Variants in RANBP2 observed in about 807,000 individuals in gnomAD.
The protein encoded by RANBP2 is RAN binding protein 2.
In RANBP2, 57 loss-of-function variants were observed where a neutral mutation model predicts 303.6. That is an observed-to-expected ratio of 0.19 (90% CI 0.15 to 0.23). The LOEUF is 0.23. Ranked by LOEUF, RANBP2 falls within the 10% of genes least tolerant of loss-of-function variation. RANBP2 has a pLI of 1.00. For missense variants in RANBP2, 3,138 were observed against 3,780.8 expected (o/e 0.83, Z 4.46); for synonymous variants, 1,167 against 1,301.5 (o/e 0.90, Z 2.23).
chr2:109,595,545 G>T, the RANBP2 span, among the ~76,000 whole-genome samples: 1 of 152,154 alleles, frequency 6.6e-6, no homozygotes, highest in African/African-American at 2.4e-5. Context: ...GGTGGTTACA[G>T]AAATTTGGAG....
At chr2:109,704,911 A>G in the RANBP2 span, among the ~76,000 whole-genome samples, 1 of 152,140 alleles carries the variant, frequency 6.6e-6, no homozygotes, top group Non-Finnish European at 1.5e-5. Context: ...GAGAAACAGC[A>G]GCAATTCAGT....
chr2:108,803,333 A>C, the RANBP2 span, among the ~76,000 whole-genome samples: 1 of 151,974 alleles, frequency 6.6e-6, no homozygotes, highest in Non-Finnish European at 1.5e-5. Flanking sequence ...TTCTCCCCAC[A>C]CTCTGGCTCA....
Position 108,772,543 on chromosome 2 carries a change from G to A in RANBP2, c.8075G>A (p.Gly2692Asp), listed in dbSNP as rs111958052. 1,226 of 1,613,814 alleles carry A rather than the reference G, an allele frequency of 7.6e-4. No homozygotes were observed. The highest frequency in any genetic ancestry group is 9.7e-4 in the Non-Finnish European group (1,140 of 1,179,832). Residue 2692 changes from glycine to aspartate, a missense_variant, in exon 22 of 29, where the codon GGC becomes GAC. By Grantham distance (94) the Gly-to-Asp change is moderately conservative. This residue lies in a region of RANBP2 where 497 missense variants were observed against 465.8 expected (regional missense o/e 1.07). Coordinates refer to ENST00000283195, the MANE Select transcript of RANBP2 (RefSeq NM_006267.5). ...CTTAATGGAAAACTATATTTGGATGGCTCAGAAAAATGTAGACCCTTGGAA... is the reference window on the plus strand; with the variant it reads ...CTTAATGGAAAACTATATTTGGATGACTCAGAAAAATGTAGACCCTTGGAA... Reference protein sequence around the residue: ...KKLNGKLYLDGSEKCRPLEEN... With the variant: ...KKLNGKLYLDDSEKCRPLEEN...
the RANBP2 span, among the ~76,000 whole-genome samples, chr2:108,979,465 TCTCACACA>T: frequency 1.4e-5 from 2 of 138,214 alleles, no homozygotes; most frequent in Admixed American, 8.0e-5. Flanking sequence ...TCTCTCTCTC[TCTCACACA>T]CACACACACA....
chr2:109,614,510 G>A, the RANBP2 span: 1 of 1,258,204 alleles, frequency 7.9e-7, no homozygotes. Context: ...CGGCAGAGTG[G>A]GGCCCCGAGG....
At chr2:109,176,409 G>A in the RANBP2 span, among the ~76,000 whole-genome samples, 1 of 152,166 alleles carries the variant, frequency 6.6e-6, no homozygotes, top group Non-Finnish European at 1.5e-5. Flanking sequence ...GTTTTTAGGA[G>A]CCCAATAGTT....
At chr2:108,807,062 T>C in the RANBP2 span, among the ~76,000 whole-genome samples, 1 of 152,236 alleles carries the variant, frequency 6.6e-6, no homozygotes, top group African/African-American at 2.4e-5. Context: ...GAGGAAAATA[T>C]GTCTTTCATT....
Position 108,755,099 on chromosome 2 carries a change from A to G in RANBP2, c.2382+15A>G, listed in dbSNP as rs755436902. ...AAAGTTACAAGGTAAACAGGAAAGA[A>G]TGGAATCATTTCATTGTGAAATTGT... On this transcript the variant is annotated intron_variant, in intron 16 of 28. Coordinates refer to ENST00000283195, the MANE Select transcript of RANBP2 (RefSeq NM_006267.5). 4 of 1,611,980 alleles carry G rather than the reference A, an allele frequency of 2.5e-6. No individual in the cohort carries two copies. Among genetic ancestry groups the G allele is most frequent in the Non-Finnish European group, 3.4e-6 (4 of 1,179,842 alleles).
the RANBP2 span, among the ~76,000 whole-genome samples, chr2:109,609,746 A>G: frequency 6.6e-6 from 1 of 152,222 alleles, no homozygotes; most frequent in Non-Finnish European, 1.5e-5. Flanking sequence ...GGAATGAGAA[A>G]AAAAGTTCAG....
chr2:109,062,987 G>A, the RANBP2 span, among the ~76,000 whole-genome samples: 2 of 152,156 alleles, frequency 1.3e-5, no homozygotes, highest in Non-Finnish European at 2.9e-5. Flanking sequence ...AAGAGCCAGG[G>A]CCTACGGCCT....
At chr2:108,782,097 A>G in intron 26 of RANBP2, 31 bp from the exon 27 acceptor site, 1 of 1,604,412 alleles carries the variant, frequency 6.2e-7, no homozygotes, top group Non-Finnish European at 8.5e-7. Flanking sequence ...TATAAGCAGC[A>G]GCTTATAGAG....
chr2:108,904,084 A>G, the RANBP2 span, among the ~76,000 whole-genome samples: 1 of 152,214 alleles, frequency 6.6e-6, no homozygotes, highest in Non-Finnish European at 1.5e-5. Flanking sequence ...ACTAGTGTCT[A>G]GAATATATTT....
At chr2:109,464,959 G>A in the RANBP2 span, among the ~76,000 whole-genome samples, 2 of 152,186 alleles carry the variant, frequency 1.3e-5, no homozygotes, top group African/African-American at 2.4e-5. Flanking sequence ...AATCCTCTGT[G>A]CTCTGCCTGT....
chr2:109,370,199 CTCTG>C, the RANBP2 span, among the ~76,000 whole-genome samples: 36 of 144,812 alleles, frequency 2.5e-4, no homozygotes, highest in Admixed American at 4.7e-4. Context: ...TGGTCTCTGT[CTCTG>C]TCTCTGTCTC....
At chr2:108,739,263 T>C (rs2912853) in intron 6 of RANBP2, among the ~76,000 whole-genome samples, 2 of 151,888 alleles carry the variant, frequency 1.3e-5, no homozygotes, top group African/African-American at 4.8e-5. Context: ...ATTAGCCGGG[T>C]ATGTTGGCAC....
At chr2:109,267,600 G>A in the RANBP2 span, among the ~76,000 whole-genome samples, 3 of 152,160 alleles carry the variant, frequency 2.0e-5, no homozygotes, top group Admixed American at 1.3e-4. Flanking sequence ...GGCTGTGATG[G>A]GTGGACCAGG....
the RANBP2 span, chr2:109,130,047 G>A: frequency 7.3e-7 from 1 of 1,360,544 alleles, no homozygotes; most frequent in Non-Finnish European, 9.4e-7. Flanking sequence ...TCCTCTCCGC[G>A]GCCGCGGGCA....
At chr2:109,044,357 A>T in the RANBP2 span, among the ~76,000 whole-genome samples, 1 of 151,336 alleles carries the variant, frequency 6.6e-6, no homozygotes, top group African/African-American at 2.4e-5. Context: ...CATCTCTACT[A>T]AAAAAAATAC....
At chr2:108,772,129 T>C (rs1677550527) in intron 21 of RANBP2, among the ~76,000 whole-genome samples, 1 of 152,204 alleles carries the variant, frequency 6.6e-6, no homozygotes, top group African/African-American at 2.4e-5. Flanking sequence ...ATAATTTTGC[T>C]GGAGTCTTAA....
Sources: allele counts gnomAD v4.1 joint callset (sites outside exome capture counted in the v4.1 genomes callset), GRCh38; gene constraint gnomAD v4.1.1; regional missense constraint gnomAD v4.1.1; transcripts MANE v1.5; gene names NCBI Gene and HGNC (gene_info 2026-07-23, HGNC 2026-07-21).